Variants in TRIM49B observed in about 807,000 individuals in gnomAD.
TRIM49B encodes putative tripartite motif-containing protein 49B.
Under a neutral mutation model 31.8 loss-of-function variants are expected in TRIM49B, and 18 were observed. The ratio of observed to expected loss-of-function variants is 0.57; its 90% confidence interval spans 0.39 to 0.84. The LOEUF (loss-of-function observed/expected upper bound fraction) is 0.84. TRIM49B is among the 40% of genes least tolerant of loss of function. The pLI, the probability that TRIM49B is intolerant of heterozygous loss-of-function variation, is 0.00. For missense variants in TRIM49B, 494 were observed against 538.7 expected, an observed-to-expected ratio of 0.92 and a Z score of 0.82; for synonymous variants, 196 against 180.6, an observed-to-expected ratio of 1.09 and a Z score of -0.68.
At chr11:49,034,712 A>G (rs559027730) in intron 4 of TRIM49B, among the ~76,000 whole-genome samples, 20 of 152,264 alleles carry the variant, frequency 1.3e-4, no homozygotes, top group Admixed American at 1.0e-3. Flanking sequence ...TTAATTTGTA[A>G]ACATGGCAAG....
rs577709298 is a variant in TRIM49B at position 49,031,673 on chromosome 11, C to T, written c.74C>T (p.Pro25Leu). Residue 25 changes from proline to leucine, a missense_variant, in exon 2 of 7, where the codon CCG becomes CTG. Around this residue, in one of 3 missense-constraint regions of TRIM49B, gnomAD observed 251 missense variants for 232.8 expected, o/e 1.08. Transcript: ENST00000332682. ...CPICMNYFID[P>L]VTIDCGHSFC... is the part of the protein sequence containing the mutation. ...ATCTGCATGAACTACTTCATAGACC[C>T]GGTCACCATAGACTGTGGGCACAGC... 2.2e-5 allele frequency: 35 copies of T among 1,613,930 alleles called. No individual in the cohort carries two copies. The highest frequency in any genetic ancestry group is 5.5e-5 in the South Asian group (5 of 91,068).
At chr11:49,029,242 G>A (rs1466750552) in intron 1 of TRIM49B, among the ~76,000 whole-genome samples, 2 of 152,106 alleles carry the variant, frequency 1.3e-5, no homozygotes, top group Non-Finnish European at 2.9e-5. Context: ...ATATATATAT[G>A]TACACATAGG....
At position 49,037,663 on chromosome 11, in the gene TRIM49B, G is replaced by A. The variant is rs549866793; in HGVS notation, c.1045G>A (p.Asp349Asn). ...ATATTACTGGGAGGTCCATGTAGGG[G>A]ACTCCTGGAATTGGGCTTTTGGTGT... ...GKYYWEVHVGDSWNWAFGVCN... is the reference protein window; with the variant it reads ...GKYYWEVHVGNSWNWAFGVCN... Residue 349 changes from aspartate to asparagine, a missense_variant, in exon 7 of 7, where the codon GAC becomes AAC. Coordinates refer to ENST00000332682, the MANE Select transcript of TRIM49B (RefSeq NM_001206626.2). 6.2e-7 allele frequency: 1 copy of A among 1,613,914 alleles called. No homozygotes were observed. Among genetic ancestry groups the A allele is most frequent in the East Asian group, 2.2e-5 (1 of 44,870 alleles).
intron 1 of TRIM49B, 85 bp from the exon 2 acceptor site, chr11:49,031,511 A>T (rs1315905381): frequency 1.3e-6 from 2 of 1,553,510 alleles, no homozygotes; most frequent in Non-Finnish European, 1.7e-6. Flanking sequence ...AAGAGAAGAA[A>T]ATATAACTAT....
chr11:49,032,930 T>C (rs1442577565), intron 3 of TRIM49B, among the ~76,000 whole-genome samples: 1 of 152,174 alleles, frequency 6.6e-6, no homozygotes, highest in Non-Finnish European at 1.5e-5. Flanking sequence ...ATTTGTGTCT[T>C]GAGGGAGACA....
chr11:49,033,718 C>A (rs1042584170), intron 3 of TRIM49B, among the ~76,000 whole-genome samples: 2 of 152,148 alleles, frequency 1.3e-5, no homozygotes, highest in African/African-American at 4.8e-5. Flanking sequence ...GGGTGAAATG[C>A]ACTTAGCTGG....
chr11:49,034,533 A>G (rs1462773527), intron 4 of TRIM49B, among the ~76,000 whole-genome samples, 157 bp downstream of exon 4: 1 of 152,106 alleles, frequency 6.6e-6, no homozygotes, highest in East Asian at 1.9e-4. Flanking sequence ...GTATAGCCCC[A>G]CTAAGGGATT....
In TRIM49B at chr11:49,035,339, A is replaced by ATTTTTTTTTTTTTTTTTTTTTTTTTTTT. The variant is rs1162056301; in HGVS notation, c.761+233_761+260dup. ...ACTAAAACAAACAATTTGATTCCTG[A>ATTTTTTTTTTTTTTTTTTTTTTTTTTTT]TTTTTTTTTTTTTTTTTTTTTTTTT... On this transcript the variant is annotated intron_variant, in intron 5 of 6. Transcript: ENST00000332682. Among the ~76,000 whole-genome samples the ATTTTTTTTTTTTTTTTTTTTTTTTTTTT allele has an allele frequency of 1.4e-4, 8 of 56,810 alleles. 1 individual carries two copies. The highest frequency in any genetic ancestry group is 5.2e-4 in the African/African-American group (7 of 13,462). The allele number at this position is 56,810 out of a possible 152,430, so 37.3% of individuals were successfully genotyped here. A position where few individuals can be genotyped will look rare whatever the true frequency, so the allele number is the denominator to read the frequency against.
chr11:49,036,382 G>A lies in TRIM49B; in HGVS notation c.843G>A (p.Arg281=). 1 of 1,564,230 alleles carries A rather than the reference G, an allele frequency of 6.4e-7. No homozygotes were observed. Among genetic ancestry groups the A allele is most frequent in the Non-Finnish European group, 8.7e-7 (1 of 1,153,814 alleles). The change falls in exon 6 of 7, where the codon AGG becomes AGA. Residue 281 remains arginine (R), a synonymous_variant. Transcript: ENST00000332682. ...SAGPITGLRD[R]LNQFRVHITL... is the part of the protein sequence containing the mutation. Reference sequence around the variant, plus strand: ...GGCCCATCACTGGACTGAGGGACAGGCTCAACCAATTCCGAGGTAAGTCTC... The same window carrying A: ...GGCCCATCACTGGACTGAGGGACAGACTCAACCAATTCCGAGGTAAGTCTC...
At position 49,037,787 on chromosome 11, in the gene TRIM49B, G is replaced by A. The variant is rs1280888837; in HGVS notation, c.1169G>A (p.Ser390Asn). 3 of 1,613,850 alleles carry A rather than the reference G, an allele frequency of 1.9e-6. No individual in the cohort carries two copies. Among genetic ancestry groups the A allele is most frequent in the Non-Finnish European group, 2.5e-6 (3 of 1,179,882 alleles). Residue 390 changes from serine (S) to asparagine (N), a missense_variant, in exon 7 of 7, where the codon AGT becomes AAT. Ser to Asn is a conservative substitution (Grantham distance 46). Transcript: ENST00000332682. ...TGTGTTAAGAATGACATTCAACGCA[G>A]TCTCTTTACCACCTCCCCACTTCTG... ...LGCVKNDIQRSLFTTSPLLLQ... is the reference protein window; with the variant it reads ...LGCVKNDIQRNLFTTSPLLLQ...
intron 1 of TRIM49B, among the ~76,000 whole-genome samples, chr11:49,030,997 C>CTT (rs60069261): frequency 0.019 from 2,766 of 147,186 alleles, 71 homozygotes; most frequent in African/African-American, 0.059. Context: ...GGTTGGTGGG[C>CTT]TTTTTTTTTT....
At chr11:49,033,351 C>G (rs1391350681) in intron 3 of TRIM49B, among the ~76,000 whole-genome samples, 1 of 151,988 alleles carries the variant, frequency 6.6e-6, no homozygotes, top group Non-Finnish European at 1.5e-5. Flanking sequence ...AAAAGACTCA[C>G]TGAAAAATTC....
At chr11:49,029,102 A>G (rs188704893) in intron 1 of TRIM49B, 127 bp downstream of exon 1, 2 of 152,400 alleles carry the variant, frequency 1.3e-5, no homozygotes, top group Admixed American at 1.3e-4. Flanking sequence ...TTCTTACTAT[A>G]GATTTTATGA....
At chr11:49,030,996 G>GA (rs1366384923) in intron 1 of TRIM49B, among the ~76,000 whole-genome samples, 2 of 51,408 alleles carry the variant, frequency 3.9e-5, no homozygotes, top group African/African-American at 8.3e-5. Context: ...TGGTTGGTGG[G>GA]CTTTTTTTTT....
rs1854547658 is a variant in TRIM49B, at chr11:49,037,525, T to C, written c.907T>C (p.Cys303Arg). 3 of 1,614,242 alleles carry C rather than the reference T, an allele frequency of 1.9e-6. No individual in the cohort carries two copies. The highest frequency in any genetic ancestry group is 1.3e-5 in the African/African-American group (1 of 75,074). ...HEEANSDIFL[C>R]EILRSMCIGC... is the part of the protein sequence containing the mutation. ...AGAAGCCAACAGTGATATCTTTCTA[T>C]GTGAAATTTTGAGAAGCATGTGTAT... The change falls in exon 7 of 7, where the codon TGT (cysteine) becomes CGT (arginine). Residue 303 changes from cysteine to arginine, a missense_variant. By Grantham distance (180) the Cys-to-Arg change is radical (BLOSUM62 -3). Transcript: ENST00000332682.
intron 6 of TRIM49B, among the ~76,000 whole-genome samples, chr11:49,037,184 TC>T (rs1854541598): frequency 6.6e-6 from 1 of 152,200 alleles, no homozygotes; most frequent in East Asian, 1.9e-4. Flanking sequence ...TAAATAATGA[TC>T]TTGATAACAG....
intron 3 of TRIM49B, among the ~76,000 whole-genome samples, chr11:49,032,597 G>A (rs530741550): frequency 4.5e-4 from 45 of 100,276 alleles, no homozygotes; most frequent in African/African-American, 1.6e-3. Context: ...CCCAAAGCAT[G>A]CTGGTTTGTT....
In TRIM49B at chr11:49,031,719, C is replaced by T. The variant is rs760566860; in HGVS notation, c.120C>T (p.Tyr40=). 3 of 1,613,944 alleles carry T rather than the reference C, an allele frequency of 1.9e-6. No homozygotes were observed. Among genetic ancestry groups the T allele is most frequent in the East Asian group, 2.2e-5 (1 of 44,874 alleles). The change falls in exon 2 of 7, where the codon TAC becomes TAT. Residue 40 remains tyrosine, a synonymous_variant. Coordinates refer to ENST00000332682, the MANE Select transcript of TRIM49B (RefSeq NM_001206626.2). ...ACAGCTTTTGCAGGCCTTGTTTCTA[C>T]CTCAACTGGAAAGACAGCCCATTTC... ...CGHSFCRPCF[Y]LNWKDSPFLV...
chr11:49,032,422 G>A, intron 3 of TRIM49B, 51 bp downstream of exon 3: 1 of 1,610,140 alleles, frequency 6.2e-7, no homozygotes, highest in Non-Finnish European at 8.5e-7. Flanking sequence ...TGGGCAAATG[G>A]GTGACTCTTA....
Sources: allele counts gnomAD v4.1 joint callset (sites outside exome capture counted in the v4.1 genomes callset), GRCh38; gene constraint gnomAD v4.1.1; regional missense constraint gnomAD v4.1.1; transcripts MANE v1.5; gene names NCBI Gene and HGNC (gene_info 2026-07-23, HGNC 2026-07-21).